Variants in ITGA1 observed in about 807,000 individuals in gnomAD.
The protein encoded by ITGA1 is integrin alpha-1.
ITGA1 carries 85 observed loss-of-function variants against 145.9 expected under a neutral mutation model. That is an observed-to-expected ratio of 0.58 (90% CI 0.49 to 0.70). The LOEUF (loss-of-function observed/expected upper bound fraction) is 0.70. Ranked by LOEUF, ITGA1 falls within the 30% of genes least tolerant of loss-of-function variation. The pLI is 0.00. For missense variants in ITGA1, 1,351 were observed against 1,418.7 expected (o/e 0.95, Z 0.77); for synonymous variants, 520 against 495.3 (o/e 1.05, Z -0.66).
intron 6 of ITGA1, among the ~76,000 whole-genome samples, chr5:52,873,838 G>T (rs903152642): frequency 1.3e-5 from 2 of 152,146 alleles, no homozygotes; most frequent in Non-Finnish European, 2.9e-5. Context: ...AGGAACAATT[G>T]ACTTGGTAAT....
chr5:52,881,149 A>G (rs1749951191), intron 6 of ITGA1, among the ~76,000 whole-genome samples: 1 of 152,170 alleles, frequency 6.6e-6, no homozygotes, highest in Non-Finnish European at 1.5e-5. Context: ...ATTTGGGAGA[A>G]ATGAGGCTGC....
At chr5:52,846,105 G>A (rs190960673) in intron 1 of ITGA1, among the ~76,000 whole-genome samples, 216 of 152,108 alleles carry the variant, frequency 1.4e-3, no homozygotes, top group Non-Finnish European at 2.2e-3. Context: ...TGTAGGTCAC[G>A]GAAGCACAAT....
chr5:52,868,905 A>G (rs1749732068), intron 6 of ITGA1, among the ~76,000 whole-genome samples: 1 of 152,184 alleles, frequency 6.6e-6, no homozygotes, highest in Admixed American at 6.5e-5. Flanking sequence ...TCATTTATTC[A>G]GATGTATGTA....
chr5:52,853,024 T>C (rs955743089), intron 2 of ITGA1, among the ~76,000 whole-genome samples: 8 of 152,218 alleles, frequency 5.3e-5, no homozygotes. Flanking sequence ...AAACTATCTT[T>C]GTGGTAGGTA....
intron 9 of ITGA1, among the ~76,000 whole-genome samples, chr5:52,895,229 C>G (rs985913174): frequency 2.6e-5 from 4 of 152,080 alleles, no homozygotes; most frequent in Non-Finnish European, 5.9e-5. Context: ...TTCTGTGCCT[C>G]CCTTTTCCCC....
intron 21 of ITGA1, chr5:52,931,478 T>C (rs1027732113): frequency 1.3e-5 from 2 of 152,214 alleles, no homozygotes; most frequent in African/African-American, 4.8e-5. Context: ...TTACATAATA[T>C]ATAATTTAAA....
chr5:52,864,947 T>C, intron 4 of ITGA1, 24 bp from the exon 5 acceptor site: 1 of 1,590,176 alleles, frequency 6.3e-7, no homozygotes, highest in Non-Finnish European at 8.6e-7. Flanking sequence ...TAATGATTTC[T>C]AATTTTAAAA....
chr5:52,918,483 A>G (rs1480497941), intron 15 of ITGA1, among the ~76,000 whole-genome samples: 1 of 152,186 alleles, frequency 6.6e-6, no homozygotes, highest in African/African-American at 2.4e-5. Context: ...TCTCTTTTCC[A>G]TCACAGGAAA....
chr5:52,809,981 A>G (rs993329460), intron 1 of ITGA1, among the ~76,000 whole-genome samples: 1 of 152,216 alleles, frequency 6.6e-6, no homozygotes, highest in African/African-American at 2.4e-5. Flanking sequence ...ACCAGGGACC[A>G]TGACTGAAAG....
chr5:52,954,664 A>C lies in ITGA1; in HGVS notation c.*2213A>C, dbSNP rs1395917737. On this transcript the variant is annotated 3_prime_UTR_variant, in exon 29 of 29. Coordinates refer to ENST00000282588, the MANE Select transcript of ITGA1 (RefSeq NM_181501.2). ...ATGTGCAGACACATGTACACATATA[A>C]ATTGAATACAAAAATAGCTCTATAA... 6.6e-6 allele frequency: 1 copy of C among 152,022 alleles called. No homozygotes were observed. Among genetic ancestry groups the C allele is most frequent in the African/African-American group, 2.4e-5 (1 of 41,402 alleles). 9.4% of individuals were successfully genotyped at this position (152,022 alleles called of 1,614,324 possible). A position where few individuals can be genotyped will look rare whatever the true frequency, so the allele number is the denominator to read the frequency against.
chr5:52,845,846 C>A (rs1749325985), intron 1 of ITGA1, among the ~76,000 whole-genome samples: 1 of 152,136 alleles, frequency 6.6e-6, no homozygotes, highest in African/African-American at 2.4e-5. Flanking sequence ...AAAATACTTT[C>A]TTGAAATTGT....
chr5:52,918,835 A>T lies in ITGA1; in HGVS notation c.2092A>T (p.Ile698Leu). The T allele has an allele frequency of 6.2e-7, 1 of 1,613,092 alleles. No homozygotes were observed. The highest frequency in any genetic ancestry group is 2.2e-5 in the East Asian group (1 of 44,856). ...TATGGAGGGAAAGGAAACAGTATGC[A>T]TAAATGCTACAGTGTGTTTTGATGT... ...CHMEGKETVC[I>L]NATVCFDVKL... The change falls in exon 16 of 29, where the codon ATA becomes TTA. Residue 698 changes from isoleucine to leucine, a missense_variant. By Grantham distance (5) the Ile-to-Leu change is conservative. Transcript: ENST00000282588.
Position 52,856,680 on chromosome 5 carries a change from CAGAGAGAG to C in ITGA1, c.183-4741_183-4734del, listed in dbSNP as rs137879951. Among the ~76,000 whole-genome samples the C allele has an allele frequency of 8.6e-3, 1,275 of 148,134 alleles. 15 individuals are homozygous for C. Among genetic ancestry groups the C allele is most frequent in the African/African-American group, 0.028 (1,139 of 40,440 alleles). On this transcript the variant is annotated intron_variant, in intron 2 of 28. Coordinates refer to ENST00000282588, the MANE Select transcript of ITGA1 (RefSeq NM_181501.2). ...TTATTTTCCAAAGAAGAAAAAGAGA[CAGAGAGAG>C]AGAGAGAGAGAGAGAGAGAGAGAGA...
intron 5 of ITGA1, among the ~76,000 whole-genome samples, chr5:52,865,434 A>G (rs973336588): frequency 1.3e-5 from 2 of 152,268 alleles, no homozygotes; most frequent in African/African-American, 4.8e-5. Context: ...GAAAATTTGC[A>G]AAGATAACTC....
chr5:52,820,399 C>T (rs1249526219), intron 1 of ITGA1, among the ~76,000 whole-genome samples: 4 of 144,388 alleles, frequency 2.8e-5, no homozygotes, highest in Admixed American at 2.1e-4. Context: ...GGAGGGATAG[C>T]ATTAGGAGAT....
chr5:52,831,129 G>A (rs1461377573), intron 1 of ITGA1, among the ~76,000 whole-genome samples: 2 of 144,914 alleles, frequency 1.4e-5, no homozygotes, highest in Non-Finnish European at 3.1e-5. Context: ...AACTACAAGA[G>A]GTCACACTTT....
rs757234064 is a variant in ITGA1 at position 52,905,774 on chromosome 5, A to C, written c.1321A>C (p.Asn441His). 6.2e-6 allele frequency: 10 copies of C among 1,613,062 alleles called. No homozygotes were observed. Among genetic ancestry groups the C allele is most frequent in the Non-Finnish European group, 2.5e-6 (3 of 1,179,516 alleles). ...CTTTCTTTTGTTAGGTTACACTGTA[A>C]ACTCTGCTACTGCTTCTTCTGGAGA... The part of the protein sequence containing the change: ...PLASYLGYTV[N>H]SATASSGDVL... The change falls in exon 12 of 29, where the codon AAC becomes CAC. Residue 441 changes from asparagine to histidine, a missense_variant. Asn to His is a moderately conservative substitution (Grantham distance 68). Transcript: ENST00000282588.
At chr5:52,843,564 G>A (rs1195539155) in intron 1 of ITGA1, among the ~76,000 whole-genome samples, 1 of 152,090 alleles carries the variant, frequency 6.6e-6, no homozygotes, top group Admixed American at 6.6e-5. Flanking sequence ...CGTACAAGAG[G>A]GTGGCTTCCT....
chr5:52,853,493 A>T (rs191243265), intron 2 of ITGA1, among the ~76,000 whole-genome samples: 15 of 152,314 alleles, frequency 9.8e-5, no homozygotes, highest in African/African-American at 2.9e-4. Context: ...ACTCATATTT[A>T]AAAAAATCAT....
Sources: gnomAD v4.1 joint callset for allele counts (sites outside exome capture counted in the v4.1 genomes callset) on GRCh38, gnomAD v4.1.1 for gene constraint, MANE v1.5 for transcripts, NCBI Gene and HGNC (gene_info 2026-07-23, HGNC 2026-07-21) for gene names.